The following ATP2B1 variants were observed in gnomAD, a reference collection of about 807,000 sequenced individuals.
ATP2B1 encodes ATPase plasma membrane Ca2+ transporting 1.
A neutral mutation model predicts 124.2 loss-of-function variants in ATP2B1; 14 were observed. The ratio of observed to expected loss-of-function variants is 0.11; its 90% CI spans 0.07 to 0.18. The LOEUF (loss-of-function observed/expected upper bound fraction) is 0.18, where lower values mean the gene tolerates loss of function less well. ATP2B1 is among the 10% of genes least tolerant of loss of function. The probability of loss-of-function intolerance (pLI) is 1.00; values close to 1 mark genes in which losing one functional copy is unlikely to be tolerated. For missense variants in ATP2B1, 763 were observed against 1,466.1 expected (o/e 0.52, Z 7.83); for synonymous variants, 449 against 492.4 (o/e 0.91, Z 1.17).
chr12:89,680,825 C>A (rs977828169), intron 1 of ATP2B1, among the ~76,000 whole-genome samples: 1 of 151,948 alleles, frequency 6.6e-6, no homozygotes, highest in Non-Finnish European at 1.5e-5. Context: ...ATCCCCAGAG[C>A]ATCCGAACAA....
intron 1 of ATP2B1, among the ~76,000 whole-genome samples, chr12:89,675,159 T>C (rs1456632505): frequency 6.6e-6 from 1 of 152,094 alleles, no homozygotes; most frequent in Non-Finnish European, 1.5e-5. Flanking sequence ...TAAAGCCCAT[T>C]ATGTGAAAGG....
intron 18 of ATP2B1, among the ~76,000 whole-genome samples, 155 bp from the exon 19 acceptor site, chr12:89,601,588 G>A (rs886357662): frequency 6.6e-6 from 1 of 152,040 alleles, no homozygotes; most frequent in African/African-American, 2.4e-5. Context: ...TAAGACAACT[G>A]AAATAGACCT....
intron 1 of ATP2B1, among the ~76,000 whole-genome samples, chr12:89,696,544 T>A (rs1304863380): frequency 1.3e-5 from 2 of 152,234 alleles, no homozygotes; most frequent in East Asian, 3.8e-4. Flanking sequence ...ATACCTACAT[T>A]ATCTGAAGGA....
rs1883654583 is a variant in ATP2B1 at position 89,642,206 on chromosome 12, C to T, written c.358G>A (p.Val120Ile). 6.2e-7 allele frequency: 1 copy of T among 1,613,774 alleles called. No homozygotes were observed. Among genetic ancestry groups the T allele is most frequent in the Non-Finnish European group, 8.5e-7 (1 of 1,179,812 alleles). ...TLIILEIAAI[V>I]SLGLSFYQPP... Reference sequence around the variant, plus strand: ...TGATAAAAAGAAAGGCCCAATGATACTATGGCTGCAATTTCTAATATAATT... The same window carrying T: ...TGATAAAAAGAAAGGCCCAATGATATTATGGCTGCAATTTCTAATATAATT... The change falls in exon 3 of 21, where the codon GTA becomes ATA. Residue 120 changes from valine to isoleucine, a missense_variant. Transcript: ENST00000428670.
At chr12:89,647,608 T>C (rs921859400) in intron 2 of ATP2B1, among the ~76,000 whole-genome samples, 2 of 152,216 alleles carry the variant, frequency 1.3e-5, no homozygotes, top group Non-Finnish European at 2.9e-5. Flanking sequence ...AATTCTGTAC[T>C]AGAAATTTTG....
chr12:89,635,032 T>C lies in ATP2B1; in HGVS notation c.626A>G (p.Asp209Gly), dbSNP rs1882469881. The C allele has an allele frequency of 6.2e-7, 1 of 1,613,904 alleles. No individual in the cohort carries two copies. The highest frequency in any genetic ancestry group is 1.1e-5 in the South Asian group (1 of 91,082). ...GGQVIQIPVA[D>G]ITVGDIAQVK... ...TTGAGCAATATCTCCAACAGTAATGTCAGCTACAGGTATCTGAATGACCTG... is the reference window on the plus strand; with the variant it reads ...TTGAGCAATATCTCCAACAGTAATGCCAGCTACAGGTATCTGAATGACCTG... Residue 209 changes from aspartate to glycine, a missense_variant, in exon 4 of 21, where the codon GAC becomes GGC. By Grantham distance (94) the Asp-to-Gly change is moderately conservative (BLOSUM62 -1). Coordinates refer to ENST00000428670, the MANE Select transcript of ATP2B1 (RefSeq NM_001366521.1).
chr12:89,686,502 T>C (rs1465529771), intron 1 of ATP2B1, among the ~76,000 whole-genome samples: 1 of 152,132 alleles, frequency 6.6e-6, no homozygotes, highest in Non-Finnish European at 1.5e-5. Flanking sequence ...TTGCCTTTTA[T>C]CCAATGTTAC....
At chr12:89,649,896 G>GTT (rs1565871030) in intron 2 of ATP2B1, among the ~76,000 whole-genome samples, 1 of 152,130 alleles carries the variant, frequency 6.6e-6, no homozygotes, top group Non-Finnish European at 1.5e-5. Context: ...AGATCTGGCT[G>GTT]TTTAAAAGAG....
chr12:89,686,403 C>T (rs1259309088), intron 1 of ATP2B1, among the ~76,000 whole-genome samples: 1 of 152,108 alleles, frequency 6.6e-6, no homozygotes, highest in African/African-American at 2.4e-5. Flanking sequence ...TTCTCCCCTA[C>T]TACAAGAATG....
intron 20 of ATP2B1, among the ~76,000 whole-genome samples, chr12:89,592,048 G>A (rs953083154): frequency 1.3e-5 from 2 of 151,958 alleles, no homozygotes; most frequent in Non-Finnish European, 2.9e-5. Context: ...TTCCCAAGAA[G>A]ACACAAAGTG....
At chr12:89,679,326 C>T (rs1229040627) in intron 1 of ATP2B1, among the ~76,000 whole-genome samples, 1 of 152,090 alleles carries the variant, frequency 6.6e-6, no homozygotes, top group East Asian at 1.9e-4. Flanking sequence ...AAATATTGGC[C>T]TCTCCCTGGT....
At chr12:89,667,860 C>T (rs1887497883) in intron 1 of ATP2B1, among the ~76,000 whole-genome samples, 1 of 152,172 alleles carries the variant, frequency 6.6e-6, no homozygotes, top group Non-Finnish European at 1.5e-5. Context: ...CTACCAACAC[C>T]ATTTTTCACA....
intron 1 of ATP2B1, among the ~76,000 whole-genome samples, chr12:89,658,516 T>C (rs1273713026): frequency 6.6e-6 from 1 of 151,914 alleles, no homozygotes; most frequent in African/African-American, 2.4e-5. Context: ...CCAGCTTTTA[T>C]CAGTAATAAA....
At chr12:89,601,926 A>G (rs992759033) in intron 18 of ATP2B1, among the ~76,000 whole-genome samples, 6 of 152,328 alleles carry the variant, frequency 3.9e-5, no homozygotes, top group Non-Finnish European at 7.3e-5. Flanking sequence ...TCTAGTTAAC[A>G]TTTAGACATA....
At chr12:89,614,508 T>C (rs1878613624) in intron 12 of ATP2B1, among the ~76,000 whole-genome samples, 1 of 152,218 alleles carries the variant, frequency 6.6e-6, no homozygotes, top group African/African-American at 2.4e-5. Context: ...GTTCTCTTAT[T>C]ACATTGGTAA....
At chr12:89,708,057 C>T (rs1892708315) in intron 1 of ATP2B1, among the ~76,000 whole-genome samples, 2 of 152,206 alleles carry the variant, frequency 1.3e-5, no homozygotes, top group Non-Finnish European at 2.9e-5. Context: ...AATCACCGTC[C>T]TGACACGCCA....
chr12:89,684,226 G>C lies in ATP2B1; in HGVS notation c.-222+24370C>G, dbSNP rs1476348105. On this transcript the variant is annotated intron_variant, in intron 1 of 20. Coordinates refer to ENST00000428670, the MANE Select transcript of ATP2B1 (RefSeq NM_001366521.1). ...GAGCAGGGACGGGAAAGTAGAAAAG[G>C]AAAGGACTGACTGTACATTTTTTGT... Among the ~76,000 whole-genome samples, 4 of 152,176 alleles carry C rather than the reference G, an allele frequency of 2.6e-5. 1 individual carries two copies.
At chr12:89,635,357 T>G (rs1446238986) in intron 3 of ATP2B1, 106 bp from the exon 4 acceptor site, 3 of 1,288,924 alleles carry the variant, frequency 2.3e-6, no homozygotes, top group Non-Finnish European at 2.1e-6. Flanking sequence ...TTTATCAATT[T>G]TACTTATAGC....
intron 1 of ATP2B1, among the ~76,000 whole-genome samples, chr12:89,685,828 C>T (rs1889903033): frequency 6.6e-6 from 1 of 151,996 alleles, no homozygotes; most frequent in South Asian, 2.1e-4. Flanking sequence ...GGGTGGGACC[C>T]TAATCCAATA....
Sources: allele counts gnomAD v4.1 joint callset (sites outside exome capture counted in the v4.1 genomes callset), GRCh38; gene constraint gnomAD v4.1.1; transcripts MANE v1.5; gene names NCBI Gene and HGNC (gene_info 2026-07-23, HGNC 2026-07-21).